Variants in MEI4 observed in about 807,000 individuals in gnomAD.
MEI4 encodes the protein meiosis-specific protein MEI4.
A neutral mutation model predicts 31.4 loss-of-function variants in MEI4; 27 were observed. The observed-to-expected ratio is 0.86, with a 90% confidence interval of 0.63 to 1.19. MEI4 has a LOEUF of 1.19. MEI4 is among the 50% of genes most tolerant of loss of function. The pLI, the probability that MEI4 is intolerant of heterozygous loss-of-function variation, is 0.00. For synonymous variants in MEI4, 122 were observed against 145.4 expected, an observed-to-expected ratio of 0.84 and a Z score of 1.16; for missense variants, 329 against 398.9, an observed-to-expected ratio of 0.82 and a Z score of 1.49.
chr6:77,865,499 G>A (rs1378487904), intron 4 of MEI4, among the ~76,000 whole-genome samples: 3 of 152,096 alleles, frequency 2.0e-5, no homozygotes, highest in African/African-American at 7.2e-5. Flanking sequence ...TAAACTCCTC[G>A]ACAAATACAC....
chr6:77,868,927 C>G (rs1771130661), intron 4 of MEI4, among the ~76,000 whole-genome samples: 1 of 151,988 alleles, frequency 6.6e-6, no homozygotes, highest in African/African-American at 2.4e-5. Flanking sequence ...AGAACAGCAC[C>G]CATGGTTCAT....
At chr6:77,869,999 CA>C (rs1429923147) in intron 4 of MEI4, among the ~76,000 whole-genome samples, 1 of 152,052 alleles carries the variant, frequency 6.6e-6, no homozygotes, top group Non-Finnish European at 1.5e-5. Context: ...TCTGGCTGGA[CA>C]CAGACATGTC....
At chr6:77,788,573 A>G (rs1477383107) in intron 3 of MEI4, among the ~76,000 whole-genome samples, 2 of 152,162 alleles carry the variant, frequency 1.3e-5, no homozygotes, top group African/African-American at 2.4e-5. Flanking sequence ...TACAAAATCA[A>G]TGTGCAAAAA....
intron 4 of MEI4, among the ~76,000 whole-genome samples, chr6:77,856,797 C>A (rs886395650): frequency 6.6e-6 from 1 of 152,162 alleles, no homozygotes; most frequent in Non-Finnish European, 1.5e-5. Flanking sequence ...CTCATCTTAT[C>A]CACCTACCTA....
chr6:77,899,590 G>A (rs925892839), intron 4 of MEI4, among the ~76,000 whole-genome samples: 3 of 152,064 alleles, frequency 2.0e-5, no homozygotes, highest in Admixed American at 6.6e-5. Flanking sequence ...ATGCTTTCTA[G>A]ATGAGCACGT....
intron 1 of MEI4, among the ~76,000 whole-genome samples, chr6:77,657,219 A>G (rs953183464): frequency 7.9e-5 from 12 of 152,206 alleles, no homozygotes; most frequent in African/African-American, 2.7e-4. Context: ...CCTCATTTTC[A>G]TTACTCATTG....
chr6:77,833,174 G>T, intron 4 of MEI4, among the ~76,000 whole-genome samples: 1 of 151,356 alleles, frequency 6.6e-6, no homozygotes, highest in Non-Finnish European at 1.5e-5. Context: ...TTCTTACCAT[G>T]ATTATTGTAT....
intron 1 of MEI4, among the ~76,000 whole-genome samples, chr6:77,689,674 G>C (rs1769121738): frequency 6.6e-6 from 1 of 152,018 alleles, no homozygotes; most frequent in African/African-American, 2.4e-5. Flanking sequence ...GGCTGTATCT[G>C]GTTGAGTGTG....
At chr6:77,900,821 T>C (rs1766171629) in intron 4 of MEI4, among the ~76,000 whole-genome samples, 4 of 152,034 alleles carry the variant, frequency 2.6e-5, no homozygotes, top group African/African-American at 9.7e-5. Context: ...CTTGAACTTA[T>C]TCCTTGTATC....
chr6:77,658,027 G>A (rs1009904580), intron 1 of MEI4, among the ~76,000 whole-genome samples: 25 of 152,236 alleles, frequency 1.6e-4, no homozygotes, highest in African/African-American at 3.4e-4. Context: ...GTTTTCATGC[G>A]TGTCCGTGTG....
intron 2 of MEI4, among the ~76,000 whole-genome samples, chr6:77,734,669 A>T (rs928073005): frequency 5.3e-5 from 8 of 150,876 alleles, no homozygotes; most frequent in Non-Finnish European, 1.0e-4. Flanking sequence ...TGTGAATTTG[A>T]TCCTGTCATT....
In MEI4 at chr6:77,841,341, T is replaced by A. The variant is rs1232053052; in HGVS notation, c.900+12279T>A. Among the ~76,000 whole-genome samples, 304 of 52,166 alleles carry A rather than the reference T, an allele frequency of 5.8e-3. 1 individual carries two copies. Among genetic ancestry groups the A allele is most frequent in the African/African-American group, 0.018 (214 of 11,632 alleles). The allele number at this position is 52,166 out of a possible 152,430, so 34.2% of individuals were successfully genotyped here. A position where few individuals can be genotyped will look rare whatever the true frequency, so the allele number is the denominator to read the frequency against. On this transcript the variant is annotated intron_variant, in intron 4 of 4. Coordinates refer to ENST00000684080, the MANE Select transcript of MEI4 (RefSeq NM_001322247.2). ...TATATATATATATATATATTTTTTT[T>A]TTTTTTTTTTTTTTTGAGATGGAGT...
chr6:77,914,614 T>A (rs1766502005), intron 4 of MEI4, among the ~76,000 whole-genome samples: 1 of 152,134 alleles, frequency 6.6e-6, no homozygotes, highest in African/African-American at 2.4e-5. Context: ...TCAGTTTAAA[T>A]CCAATGTTTC....
At chr6:77,796,521 C>A (rs534875269) in intron 3 of MEI4, among the ~76,000 whole-genome samples, 1 of 152,092 alleles carries the variant, frequency 6.6e-6, no homozygotes, top group Non-Finnish European at 1.5e-5. Flanking sequence ...AAGTTGCAGA[C>A]TGCAAAATAA....
chr6:77,925,154 G>A lies in MEI4; in HGVS notation c.*1808G>A, dbSNP rs574084241. 25 of 151,776 alleles carry A rather than the reference G, an allele frequency of 1.6e-4. No homozygotes were observed. The highest frequency in any genetic ancestry group is 2.8e-4 in the Non-Finnish European group (19 of 67,874). The allele number at this position is 151,776 out of a possible 1,614,324, so 9.4% of individuals were successfully genotyped here. A position where few individuals can be genotyped will look rare whatever the true frequency, so the allele number is the denominator to read the frequency against. On this transcript the variant is annotated 3_prime_UTR_variant, in exon 5 of 5. Transcript: ENST00000684080. ...CCTTTCCCTATTGCAGCCAGCCAAC[G>A]TAATGATCAGCTAAGAGACTTTTGG... is the stretch of plus-strand genomic sequence containing the variant.
intron 3 of MEI4, among the ~76,000 whole-genome samples, chr6:77,772,275 A>G (rs1218291306): frequency 2.0e-5 from 3 of 150,658 alleles, no homozygotes; most frequent in Non-Finnish European, 3.0e-5. Context: ...AAAAAAGAAA[A>G]CTACAGGCCA....
chr6:77,677,479 G>A (rs1187430618), intron 1 of MEI4, among the ~76,000 whole-genome samples: 5 of 152,144 alleles, frequency 3.3e-5, no homozygotes, highest in Non-Finnish European at 7.3e-5. Context: ...TTCTTCCCTA[G>A]TATAGTGTAT....
chr6:77,670,847 C>A (rs1459703827), intron 1 of MEI4, among the ~76,000 whole-genome samples: 1 of 152,000 alleles, frequency 6.6e-6, no homozygotes, highest in Non-Finnish European at 1.5e-5. Context: ...TTTTGTGGCC[C>A]CCCAACTAGA....
chr6:77,756,054 A>G (rs1221714147), intron 2 of MEI4, among the ~76,000 whole-genome samples: 1 of 152,188 alleles, frequency 6.6e-6, no homozygotes, highest in Admixed American at 6.6e-5. Flanking sequence ...TCCTTTGGGC[A>G]TGATGCTTTC....
Sources: allele counts gnomAD v4.1 joint callset (sites outside exome capture counted in the v4.1 genomes callset), GRCh38; gene constraint gnomAD v4.1.1; transcripts MANE v1.5; gene names NCBI Gene and HGNC (gene_info 2026-07-23, HGNC 2026-07-21).